FHIP1A: variants seen among roughly 807,000 people sequenced by gnomAD.
FHIP1A encodes FHF complex subunit HOOK interacting protein 1A.
FHIP1A carries 61 observed loss-of-function variants against 88.6 expected under a neutral mutation model. That is an observed-to-expected ratio of 0.69 (90% confidence interval 0.56 to 0.85). The LOEUF is 0.85. FHIP1A is among the 40% of genes least tolerant of loss of function. FHIP1A has a pLI of 0.00. For synonymous variants in FHIP1A, 478 were observed against 496.0 expected, an observed-to-expected ratio of 0.96 and a Z score of 0.48; for missense variants, 1,154 against 1,273.5, an observed-to-expected ratio of 0.91 and a Z score of 1.43.
intron 13 of FHIP1A, among the ~76,000 whole-genome samples, chr4:151,658,448 G>A (rs1382250484): frequency 6.6e-6 from 1 of 152,226 alleles, no homozygotes; most frequent in East Asian, 1.9e-4. Flanking sequence ...TGGCTGGAGT[G>A]ATGGAGGTGA....
At chr4:151,431,865 G>T (rs1393801468) in intron 1 of FHIP1A, among the ~76,000 whole-genome samples, 1 of 152,172 alleles carries the variant, frequency 6.6e-6, no homozygotes, top group Non-Finnish European at 1.5e-5. Context: ...GCTTTGTATG[G>T]CAGGTTTACT....
intron 9 of FHIP1A, among the ~76,000 whole-genome samples, chr4:151,640,765 G>A (rs1419925873): frequency 2.6e-5 from 4 of 152,196 alleles, no homozygotes; most frequent in Non-Finnish European, 4.4e-5. Context: ...CTAGGTGATG[G>A]AAGCTCTTGC....
At chr4:151,598,605 TCAGCGTAGG>T (rs1217047899) in intron 7 of FHIP1A, among the ~76,000 whole-genome samples, 1 of 152,230 alleles carries the variant, frequency 6.6e-6, no homozygotes, top group Non-Finnish European at 1.5e-5. Context: ...TTACCTGCCA[TCAGCGTAGG>T]CAGTTTACAG....
chr4:151,649,920 C>T lies in FHIP1A; in HGVS notation c.1879C>T (p.Leu627Phe). ...IQEMKKNALL[L>F]FKGSYIEESD... ...GGAGATGAAGAAGAATGCCCTCCTG[C>T]TCTTCAAAGGGTCCTACATAGAAGA... Residue 627 changes from leucine (L) to phenylalanine (F), a missense_variant, in exon 11 of 14, where the codon CTC (leucine) becomes TTC (phenylalanine). Physicochemically the swap from Leu to Phe is conservative, Grantham distance 22 (BLOSUM62 0). Coordinates refer to ENST00000435205, the MANE Select transcript of FHIP1A (RefSeq NM_001109977.3). 1 of 1,551,606 alleles carries T rather than the reference C, an allele frequency of 6.4e-7. No individual in the cohort carries two copies. The highest frequency in any genetic ancestry group is 8.7e-7 in the Non-Finnish European group (1 of 1,146,966).
intron 3 of FHIP1A, among the ~76,000 whole-genome samples, chr4:151,546,240 C>T (rs139278867): frequency 2.0e-5 from 3 of 152,338 alleles, no homozygotes; most frequent in African/African-American, 7.2e-5. Flanking sequence ...TTTGGACTCC[C>T]GGATTTATAC....
At chr4:151,418,340 C>T (rs1479175730) in intron 1 of FHIP1A, among the ~76,000 whole-genome samples, 1 of 152,118 alleles carries the variant, frequency 6.6e-6, no homozygotes, top group African/African-American at 2.4e-5. Context: ...TGAATTTTCT[C>T]CTTATACTTC....
At chr4:151,602,990 A>G (rs1382733712) in intron 7 of FHIP1A, among the ~76,000 whole-genome samples, 19 of 152,208 alleles carry the variant, frequency 1.2e-4, no homozygotes. Context: ...TCACCAGGCT[A>G]ATAAATGCAC....
intron 2 of FHIP1A, among the ~76,000 whole-genome samples, chr4:151,459,228 T>A (rs1729067112): frequency 6.6e-6 from 1 of 151,898 alleles, no homozygotes; most frequent in Non-Finnish European, 1.5e-5. Flanking sequence ...GGAGTATATC[T>A]TGACTTTTGT....
chr4:151,461,901 C>T (rs571269680), intron 2 of FHIP1A, among the ~76,000 whole-genome samples: 6 of 152,318 alleles, frequency 3.9e-5, no homozygotes, highest in East Asian at 1.9e-4. Context: ...CAGTGGCTTA[C>T]GCCTGTAATC....
At chr4:151,562,111 C>T (rs1298609173) in intron 3 of FHIP1A, among the ~76,000 whole-genome samples, 1 of 152,168 alleles carries the variant, frequency 6.6e-6, no homozygotes, top group African/African-American at 2.4e-5. Flanking sequence ...GTCCCTGCCT[C>T]CTAGCTCAAA....
chr4:151,620,622 T>C (rs1029121252), intron 7 of FHIP1A, among the ~76,000 whole-genome samples: 1 of 152,164 alleles, frequency 6.6e-6, no homozygotes, highest in African/African-American at 2.4e-5. Flanking sequence ...TTTCAGAGGC[T>C]GAGTAGATCT....
chr4:151,614,448 C>T (rs1735440668), intron 7 of FHIP1A, among the ~76,000 whole-genome samples: 1 of 148,264 alleles, frequency 6.7e-6, no homozygotes, highest in Non-Finnish European at 1.5e-5. Context: ...CAGTCTGAGC[C>T]ACGGTGTGAG....
chr4:151,425,602 A>C (rs1733334911), intron 1 of FHIP1A, among the ~76,000 whole-genome samples: 1 of 152,196 alleles, frequency 6.6e-6, no homozygotes, highest in Non-Finnish European at 1.5e-5. Flanking sequence ...ATACTGTATT[A>C]GTTTCTTACA....
rs1438458850 is a variant in FHIP1A at position 151,663,297 on chromosome 4, C to G, written c.*543C>G. On this transcript the variant is annotated 3_prime_UTR_variant, in exon 14 of 14. Coordinates refer to ENST00000435205, the MANE Select transcript of FHIP1A (RefSeq NM_001109977.3). ...TCATCTGTCCCTTTGGATTTTACTT[C>G]CAGGACGTGTGTCGTCCCCAGCGTG... The G allele has an allele frequency of 6.6e-6, 1 of 152,274 alleles. No homozygotes were observed. The highest frequency in any genetic ancestry group is 2.4e-5 in the African/African-American group (1 of 41,470). The allele number at this position is 152,274 out of a possible 1,614,324, so 9.4% of individuals were successfully genotyped here.
At chr4:151,432,630 C>G (rs1241448711) in intron 1 of FHIP1A, among the ~76,000 whole-genome samples, 1 of 152,102 alleles carries the variant, frequency 6.6e-6, no homozygotes, top group Non-Finnish European at 1.5e-5. Context: ...ACTTGTAACT[C>G]CAGTGTGATT....
In FHIP1A at chr4:151,668,392, G is replaced by A. The variant is rs1281979945; in HGVS notation, c.*5638G>A. Among the ~76,000 whole-genome samples the A allele has an allele frequency of 6.6e-6, 1 of 152,158 alleles. No individual in the cohort carries two copies. Among genetic ancestry groups the A allele is most frequent in the Non-Finnish European group, 1.5e-5 (1 of 68,028 alleles). ...CTAACCAACTCCAAGCTGAAGGAGG[G>A]TGTGTACTTTCCGAAACTTCGAGGC... On this transcript the variant is annotated 3_prime_UTR_variant, in exon 14 of 14. Transcript: ENST00000435205.
At chr4:151,526,655 C>G (rs965778473) in intron 3 of FHIP1A, among the ~76,000 whole-genome samples, 4 of 149,050 alleles carry the variant, frequency 2.7e-5, no homozygotes, top group African/African-American at 7.4e-5. Context: ...GCTGGCCGGG[C>G]GGGGGGCTGA....
At position 151,638,633 on chromosome 4, in the gene FHIP1A, T is replaced by C. The variant is rs759159827; in HGVS notation, c.1147-44T>C. ...TTACTATCTGTGGGGAGTAGAGTTA[T>C]CGTTCCAACATCTGAACTAGAATGT... On this transcript the variant is annotated intron_variant, in intron 8 of 13. Coordinates refer to ENST00000435205, the MANE Select transcript of FHIP1A (RefSeq NM_001109977.3). 1.0e-5 allele frequency: 12 copies of C among 1,192,450 alleles called. No individual in the cohort carries two copies. In the African/African-American group the frequency reaches 1.2e-4, roughly 12 times the overall value. The allele number at this position is 1,192,450 out of a possible 1,614,324, so 73.9% of individuals were successfully genotyped here.
At chr4:151,494,177 A>G (rs532340214) in intron 3 of FHIP1A, among the ~76,000 whole-genome samples, 1 of 152,174 alleles carries the variant, frequency 6.6e-6, no homozygotes, top group East Asian at 1.9e-4. Context: ...TTGTCTGTTT[A>G]CTCTGTTGAT....
Sources: allele counts gnomAD v4.1 joint callset (sites outside exome capture counted in the v4.1 genomes callset), GRCh38; gene constraint gnomAD v4.1.1; transcripts MANE v1.5; gene names NCBI Gene and HGNC (gene_info 2026-07-23, HGNC 2026-07-21).